ATP8A2: variants seen among roughly 807,000 people sequenced by gnomAD.
The protein encoded by ATP8A2 is phospholipid-transporting ATPase IB.
Under a neutral mutation model 165.6 loss-of-function variants are expected in ATP8A2, and 100 were observed. The observed-to-expected ratio is 0.60, with a 90% CI of 0.51 to 0.71. The LOEUF (loss-of-function observed/expected upper bound fraction) is 0.71, where lower values mean the gene tolerates loss of function less well. ATP8A2 is among the 30% of genes least tolerant of loss of function. The pLI is 0.00. For missense variants in ATP8A2, 1,227 were observed against 1,479.5 expected, an observed-to-expected ratio of 0.83 and a Z score of 2.80; for synonymous variants, 543 against 548.8, an observed-to-expected ratio of 0.99 and a Z score of 0.15.
At chr13:25,891,571 A>G (rs973246021) in intron 33 of ATP8A2, among the ~76,000 whole-genome samples, 1 of 151,944 alleles carries the variant, frequency 6.6e-6, no homozygotes, top group Non-Finnish European at 1.5e-5. Flanking sequence ...TGATCTGCCT[A>G]CCTTGGCCTC....
chr13:25,433,760 A>C (rs1484139279), intron 1 of ATP8A2, among the ~76,000 whole-genome samples: 1 of 152,212 alleles, frequency 6.6e-6, no homozygotes, highest in Non-Finnish European at 1.5e-5. Context: ...TGGAAAAGGA[A>C]ATGTGGTATT....
chr13:25,839,901 G>A (rs1490009849), intron 30 of ATP8A2, among the ~76,000 whole-genome samples: 1 of 152,166 alleles, frequency 6.6e-6, no homozygotes, highest in African/African-American at 2.4e-5. Flanking sequence ...TTGAGTCAGA[G>A]ATCTTCAAGG....
intron 1 of ATP8A2, among the ~76,000 whole-genome samples, chr13:25,385,375 G>T (rs1055183409): frequency 6.6e-6 from 1 of 152,080 alleles, no homozygotes; most frequent in Admixed American, 6.6e-5. Flanking sequence ...TACCTAATTC[G>T]CTCAGCCTCA....
At chr13:25,551,268 C>G in intron 10 of ATP8A2, 70 bp from the exon 11 acceptor site, 2 of 1,421,542 alleles carry the variant, frequency 1.4e-6, no homozygotes, top group Non-Finnish European at 1.9e-6. Flanking sequence ...GTTGTTTTAC[C>G]TCCTTTCCCC....
chr13:25,843,547 T>C (rs1408528563), intron 30 of ATP8A2, among the ~76,000 whole-genome samples: 1 of 152,038 alleles, frequency 6.6e-6, no homozygotes, highest in Non-Finnish European at 1.5e-5. Context: ...TTCCACTATG[T>C]GGGAATATAG....
At chr13:26,012,486 G>T in intron 35 of ATP8A2, 45 bp from the exon 36 acceptor site, 2 of 1,463,850 alleles carry the variant, frequency 1.4e-6, no homozygotes, top group South Asian at 1.3e-5. Flanking sequence ...TGTGCAACCC[G>T]AGTGTTCAGG....
chr13:25,833,903 TA>T lies in ATP8A2; in HGVS notation c.2755-3259del, dbSNP rs529582298. Among the ~76,000 whole-genome samples, 165 of 152,340 alleles carry T rather than the reference TA, an allele frequency of 1.1e-3. 1 individual carries two copies. The highest frequency in any genetic ancestry group is 3.8e-3 in the African/African-American group (158 of 41,578). ...AGTGCATTTGCATGAAATTTCATAA[TA>T]TAAAGACAGGGTTGATATCTGTTCT... On this transcript the variant is annotated intron_variant, in intron 28 of 36. Transcript: ENST00000381655.
chr13:25,743,214 C>T (rs1302075560), intron 25 of ATP8A2, among the ~76,000 whole-genome samples: 2 of 152,088 alleles, frequency 1.3e-5, no homozygotes, highest in East Asian at 1.9e-4. Context: ...AGAGGTTGTG[C>T]GGTGCTTCTG....
intron 33 of ATP8A2, among the ~76,000 whole-genome samples, chr13:25,906,386 T>C (rs1953937857): frequency 6.6e-6 from 1 of 152,042 alleles, no homozygotes; most frequent in African/African-American, 2.4e-5. Flanking sequence ...CTGCTCAGAA[T>C]CTGCAGTGAT....
At chr13:25,689,366 C>T (rs978260246) in intron 24 of ATP8A2, among the ~76,000 whole-genome samples, 24 of 152,168 alleles carry the variant, frequency 1.6e-4, no homozygotes, top group Non-Finnish European at 2.9e-5. Context: ...AACCCTTTAT[C>T]TTCCTTTGGT....
chr13:25,423,008 G>T (rs149510251), intron 1 of ATP8A2, among the ~76,000 whole-genome samples: 2 of 152,072 alleles, frequency 1.3e-5, no homozygotes, highest in African/African-American at 2.4e-5. Context: ...GGCTCTATTT[G>T]TCAGGGTTAT....
At chr13:25,773,561 G>A (rs2044673794) in intron 26 of ATP8A2, among the ~76,000 whole-genome samples, 1 of 152,172 alleles carries the variant, frequency 6.6e-6, no homozygotes, top group Non-Finnish European at 1.5e-5. Context: ...AACCACAGGA[G>A]CCATCACATC....
intron 23 of ATP8A2, 88 bp from the exon 24 acceptor site, chr13:25,589,547 A>G (rs2040012156): frequency 1.1e-6 from 1 of 947,664 alleles, no homozygotes; most frequent in African/African-American, 1.6e-5. Context: ...CAATAGGCTT[A>G]AAGTGGCAGA....
intron 2 of ATP8A2, among the ~76,000 whole-genome samples, chr13:25,507,219 T>TTG (rs560460756): frequency 0.031 from 3,989 of 126,904 alleles, 81 homozygotes; most frequent in East Asian, 0.073. Flanking sequence ...GTACCATTCT[T>TTG]TGTGTGTGTG....
intron 2 of ATP8A2, among the ~76,000 whole-genome samples, chr13:25,498,671 C>T (rs2036754675): frequency 6.6e-6 from 1 of 152,146 alleles, no homozygotes; most frequent in African/African-American, 2.4e-5. Context: ...CAGATGTGTT[C>T]AAGTCAAAAT....
intron 25 of ATP8A2, 54 bp from the exon 26 acceptor site, chr13:25,768,992 C>T (rs749756118): frequency 3.0e-5 from 46 of 1,519,898 alleles, no homozygotes; most frequent in Non-Finnish European, 4.0e-5. Flanking sequence ...TAGATTACAG[C>T]TGTTTCCTCT....
At position 25,513,580 on chromosome 13, in the gene ATP8A2, C is replaced by G. The variant is rs928832668; in HGVS notation, c.222-16419C>G. Among the ~76,000 whole-genome samples the G allele has an allele frequency of 2.2e-4, 34 of 152,194 alleles. 1 individual carries two copies. The South Asian group carries it at 2.3e-3, about 10-fold the overall frequency. Reference sequence around the variant, plus strand: ...GGCGGCCGGGCAGAGGCTGCAATCTCGGCACTTTGGGAGGCCAAGGCAGGC... The same window carrying G: ...GGCGGCCGGGCAGAGGCTGCAATCTGGGCACTTTGGGAGGCCAAGGCAGGC... On this transcript the variant is annotated intron_variant, in intron 2 of 36. Transcript: ENST00000381655.
chr13:25,526,688 G>A (rs546400502), intron 2 of ATP8A2, among the ~76,000 whole-genome samples: 1 of 152,300 alleles, frequency 6.6e-6, no homozygotes, highest in East Asian at 1.9e-4. Context: ...CTACAGCATG[G>A]TGCTGCTAAG....
At chr13:25,658,508 G>A (rs1418490404) in intron 24 of ATP8A2, among the ~76,000 whole-genome samples, 2 of 152,024 alleles carry the variant, frequency 1.3e-5, no homozygotes, top group East Asian at 3.9e-4. Context: ...GGGTGGTGGT[G>A]CGCACCTGTA....
Sources: gnomAD v4.1 joint callset for allele counts (sites outside exome capture counted in the v4.1 genomes callset) on GRCh38, gnomAD v4.1.1 for gene constraint, MANE v1.5 for transcripts, NCBI Gene and HGNC (gene_info 2026-07-23, HGNC 2026-07-21) for gene names.